Variants in ADORA2B observed in about 807,000 individuals in gnomAD.
ADORA2B encodes adenosine A2b receptor.
ADORA2B carries 18 observed loss-of-function variants against 20.8 expected under a neutral mutation model. That is an observed-to-expected ratio of 0.87 (90% CI 0.60 to 1.29). ADORA2B has a LOEUF of 1.29. Among genes scored for constraint, ADORA2B ranks in the 50% most tolerant of loss-of-function variants. ADORA2B has a pLI of 0.00. For missense variants in ADORA2B, 441 were observed against 422.7 expected, an observed-to-expected ratio of 1.04 and a Z score of -0.38; for synonymous variants, 179 against 178.3, an observed-to-expected ratio of 1.00 and a Z score of -0.03.
chr17:15,952,155 A>ACG, intron 1 of ADORA2B, among the ~76,000 whole-genome samples: 1 of 152,240 alleles, frequency 6.6e-6, no homozygotes, highest in Middle Eastern at 3.4e-3. Context: ...CTCGGTGACC[A>ACG]CGTGCAGGGC....
chr17:15,873,613 T>C, the ADORA2B span, among the ~76,000 whole-genome samples: 1 of 152,090 alleles, frequency 6.6e-6, no homozygotes, highest in East Asian at 1.9e-4. Context: ...AAAGAAGATA[T>C]ACAAATGGCC....
chr17:15,918,416 C>T, the ADORA2B span, among the ~76,000 whole-genome samples: 5 of 152,164 alleles, frequency 3.3e-5, no homozygotes, highest in African/African-American at 1.2e-4. Flanking sequence ...GTACAGTCAC[C>T]ACATACAACA....
chr17:15,900,688 A>G, the ADORA2B span, among the ~76,000 whole-genome samples: 1 of 151,910 alleles, frequency 6.6e-6, no homozygotes, highest in African/African-American at 2.4e-5. Flanking sequence ...GGGATCAAGC[A>G]ATCCTCCCAC....
intron 1 of ADORA2B, among the ~76,000 whole-genome samples, chr17:15,947,726 G>A (rs920958734): frequency 5.3e-5 from 8 of 152,352 alleles, no homozygotes; most frequent in Admixed American, 2.0e-4. Flanking sequence ...TGGTGCCTGG[G>A]GCAGGCCTTC....
Position 15,945,186 on chromosome 17 carries a change from C to A in ADORA2B, c.-63C>A, listed in dbSNP as rs972975730. 13 of 1,336,862 alleles carry A rather than the reference C, an allele frequency of 9.7e-6. No homozygotes were observed. The highest frequency in any genetic ancestry group is 1.6e-5 in the African/African-American group (1 of 64,498). 82.8% of individuals were successfully genotyped at this position (1,336,862 alleles called of 1,614,324 possible). ...CTATGGCCATGCCCGGCGGGTCTCA[C>A]GCGGCTGCCCCTCGCCCGGCGCGCC... is the stretch of plus-strand genomic sequence containing the variant. On this transcript the variant is annotated 5_prime_UTR_variant, in exon 1 of 2. Transcript: ENST00000304222.
At chr17:15,905,027 C>T in the ADORA2B span, among the ~76,000 whole-genome samples, 1 of 152,036 alleles carries the variant, frequency 6.6e-6, no homozygotes, top group African/African-American at 2.4e-5. Flanking sequence ...AGTACCTTTG[C>T]CTTTTTAATT....
chr17:15,897,003 T>C, the ADORA2B span, among the ~76,000 whole-genome samples: 2,665 of 152,274 alleles, frequency 0.018, 59 homozygotes, highest in Non-Finnish European at 0.025. Flanking sequence ...TTGGTCTATC[T>C]AATACTGTCT....
the ADORA2B span, among the ~76,000 whole-genome samples, chr17:15,883,218 ATTAT>A: frequency 8.5e-5 from 13 of 152,338 alleles, no homozygotes; most frequent in African/African-American, 3.1e-4. Flanking sequence ...TAATTCTTTA[ATTAT>A]TACATATTAT....
chr17:15,920,811 G>T, the ADORA2B span, among the ~76,000 whole-genome samples: 1 of 152,166 alleles, frequency 6.6e-6, no homozygotes, highest in Non-Finnish European at 1.5e-5. Flanking sequence ...CACCGCGCAG[G>T]TATTTGTGAC....
chr17:15,855,178 G>A, the ADORA2B span, among the ~76,000 whole-genome samples: 7 of 152,028 alleles, frequency 4.6e-5, no homozygotes, highest in East Asian at 9.7e-4. Context: ...TGATCCACCC[G>A]CCTCGGCCTC....
At chr17:15,869,559 T>C in the ADORA2B span, among the ~76,000 whole-genome samples, 242 of 152,194 alleles carry the variant, frequency 1.6e-3, no homozygotes, top group Admixed American at 3.9e-3. Context: ...TGGCTAATAA[T>C]TAAACCAGAT....
chr17:15,961,966 C>CG (rs1567781171), intron 1 of ADORA2B, among the ~76,000 whole-genome samples: 2 of 152,104 alleles, frequency 1.3e-5, no homozygotes, highest in African/African-American at 4.8e-5. Flanking sequence ...CCATGAACTT[C>CG]GGGGGGCACA....
chr17:15,899,433 A>T, the ADORA2B span, among the ~76,000 whole-genome samples: 1 of 152,140 alleles, frequency 6.6e-6, no homozygotes, highest in South Asian at 2.1e-4. Flanking sequence ...AACTTTAATT[A>T]ATTTATTTTT....
chr17:15,918,236 C>T, the ADORA2B span, among the ~76,000 whole-genome samples: 3 of 152,168 alleles, frequency 2.0e-5, no homozygotes, highest in Non-Finnish European at 2.9e-5. Context: ...CCCAAGGCCC[C>T]AGCTCCTTAT....
chr17:15,853,080 A>G, the ADORA2B span, among the ~76,000 whole-genome samples: 1 of 152,222 alleles, frequency 6.6e-6, no homozygotes, highest in African/African-American at 2.4e-5. Context: ...TAAAACTGCT[A>G]GTAATGAAAG....
At chr17:15,935,495 C>A in the ADORA2B span, among the ~76,000 whole-genome samples, 2 of 152,038 alleles carry the variant, frequency 1.3e-5, no homozygotes, top group Admixed American at 1.3e-4. Flanking sequence ...TTGACTTTAG[C>A]TTTTGACAAT....
chr17:15,927,789 G>A, the ADORA2B span, among the ~76,000 whole-genome samples: 1 of 152,190 alleles, frequency 6.6e-6, no homozygotes, highest in Non-Finnish European at 1.5e-5. Flanking sequence ...AATCCGGGAC[G>A]CCCCTCAGTG....
At chr17:15,891,510 T>A in the ADORA2B span, among the ~76,000 whole-genome samples, 11 of 152,214 alleles carry the variant, frequency 7.2e-5, no homozygotes, top group Admixed American at 5.2e-4. Flanking sequence ...GAGCTGCTTT[T>A]ATCCTCTGTG....
chr17:15,876,565 C>T, the ADORA2B span, among the ~76,000 whole-genome samples: 1 of 142,766 alleles, frequency 7.0e-6, no homozygotes, highest in South Asian at 2.2e-4. Context: ...TTTTCTTTTT[C>T]TGGAACTCCC....
Sources: allele counts gnomAD v4.1 joint callset (sites outside exome capture counted in the v4.1 genomes callset), GRCh38; gene constraint gnomAD v4.1.1; transcripts MANE v1.5; gene names NCBI Gene and HGNC (gene_info 2026-07-23, HGNC 2026-07-21).